The following CMSS1 variants were observed in gnomAD, a reference collection of about 807,000 sequenced individuals.
CMSS1 encodes protein CMSS1.
In CMSS1, 33 loss-of-function variants were observed where a neutral mutation model predicts 43.5. The observed-to-expected ratio is 0.76, with a 90% CI of 0.57 to 1.01. CMSS1 has a LOEUF of 1.01. Among genes scored for constraint, CMSS1 ranks in the 50% least tolerant of loss-of-function variants. CMSS1 has a pLI of 0.00. For synonymous variants in CMSS1, 115 were observed against 117.2 expected, an observed-to-expected ratio of 0.98 and a Z score of 0.12; for missense variants, 313 against 326.4, an observed-to-expected ratio of 0.96 and a Z score of 0.32.
intron 1 of CMSS1, among the ~76,000 whole-genome samples, chr3:99,820,701 A>G (rs1229647961): frequency 3.9e-5 from 6 of 152,198 alleles, no homozygotes; most frequent in East Asian, 1.9e-4. Flanking sequence ...TCTTTTGTTG[A>G]TGGGATCTAG....
At chr3:99,921,997 A>G (rs1707138937) in intron 1 of CMSS1, among the ~76,000 whole-genome samples, 1 of 152,268 alleles carries the variant, frequency 6.6e-6, no homozygotes, top group Middle Eastern at 3.4e-3. Context: ...CTTCCTCCAG[A>G]AGATAGTAGA....
intron 1 of CMSS1, among the ~76,000 whole-genome samples, chr3:100,044,757 A>G (rs188353356): frequency 6.6e-6 from 1 of 152,160 alleles, no homozygotes; most frequent in East Asian, 1.9e-4. Flanking sequence ...CACACAGTAG[A>G]TGAGAGAAGG....
At chr3:99,957,693 C>CTTTCTTTTTTTTTTTTT (rs1708364770) in intron 1 of CMSS1, among the ~76,000 whole-genome samples, 1 of 19,904 alleles carries the variant, frequency 5.0e-5, no homozygotes, top group African/African-American at 1.7e-4. Flanking sequence ...TTCTTTCTTT[C>CTTTCTTTTTTTTTTTTT]TTTTTTTTTT....
chr3:99,878,863 T>C (rs954150247), intron 1 of CMSS1, among the ~76,000 whole-genome samples: 3 of 152,250 alleles, frequency 2.0e-5, no homozygotes, highest in Non-Finnish European at 4.4e-5. Flanking sequence ...AGTAGACTTT[T>C]ATTTCCTTCC....
At chr3:99,854,026 G>C (rs1943836455) in intron 1 of CMSS1, among the ~76,000 whole-genome samples, 1 of 152,210 alleles carries the variant, frequency 6.6e-6, no homozygotes, top group Non-Finnish European at 1.5e-5. Flanking sequence ...GGGAAAGACA[G>C]CTGGTTATGC....
intron 6 of CMSS1, 63 bp downstream of exon 6, chr3:100,167,903 A>G (rs777706049): frequency 6.3e-6 from 7 of 1,115,510 alleles, no homozygotes; most frequent in Non-Finnish European, 9.3e-6. Context: ...ATGCCAAGCT[A>G]TTATGTTCTA....
At chr3:99,929,842 A>T (rs1300425143) in intron 1 of CMSS1, 1 of 1,602,116 alleles carries the variant, frequency 6.2e-7, no homozygotes. Flanking sequence ...ACACACCCCT[A>T]TTGTGGTACA....
intron 1 of CMSS1, among the ~76,000 whole-genome samples, chr3:99,845,618 C>T (rs1943329715): frequency 6.6e-6 from 1 of 152,136 alleles, no homozygotes; most frequent in East Asian, 1.9e-4. Context: ...ATCTCTTTCT[C>T]TCTCTCCTCT....
At chr3:100,018,192 G>A (rs1710400578) in intron 1 of CMSS1, among the ~76,000 whole-genome samples, 1 of 152,160 alleles carries the variant, frequency 6.6e-6, no homozygotes, top group African/African-American at 2.4e-5. Flanking sequence ...CGGGCGTGGT[G>A]GCATGTCCCT....
rs114312362 is a variant in CMSS1 at position 100,045,414 on chromosome 3, A to C, written c.65-101559A>C. Among the ~76,000 whole-genome samples, 664 of 152,328 alleles carry C rather than the reference A, an allele frequency of 4.4e-3. 7 individuals carry two copies. The highest frequency in any genetic ancestry group is 0.013 in the African/African-American group (556 of 41,562). ...AAGAGTGAATAAAGGAATGAACATA[A>C]ATCTGTGAAAATATGTGTATAAAAT... On this transcript the variant is annotated intron_variant, in intron 1 of 9. Transcript: ENST00000421999.
intron 1 of CMSS1, among the ~76,000 whole-genome samples, chr3:99,852,323 T>C (rs989876788): frequency 6.6e-6 from 1 of 152,256 alleles, no homozygotes; most frequent in Non-Finnish European, 1.5e-5. Context: ...AGAGAATTCA[T>C]AAAACTTTAA....
intron 1 of CMSS1, among the ~76,000 whole-genome samples, chr3:100,071,319 T>A (rs936810069): frequency 2.0e-5 from 3 of 152,086 alleles, no homozygotes; most frequent in African/African-American, 7.2e-5. Context: ...AAGAAGACAG[T>A]AAGGGACAGG....
intron 1 of CMSS1, among the ~76,000 whole-genome samples, chr3:100,025,233 C>T (rs565884701): frequency 3.0e-4 from 46 of 152,258 alleles, no homozygotes; most frequent in African/African-American, 1.0e-3. Context: ...CTACACAGCC[C>T]CATACTGTTT....
intron 1 of CMSS1, chr3:99,875,976 A>C (rs1249442007): frequency 1.2e-6 from 1 of 835,958 alleles, no homozygotes; most frequent in East Asian, 1.2e-4. Context: ...GCAGTTTGTG[A>C]TGCTGAGACA....
At chr3:99,935,973 T>C (rs76468167) in intron 1 of CMSS1, among the ~76,000 whole-genome samples, 1,756 of 152,318 alleles carry the variant, frequency 0.012, 18 homozygotes, top group African/African-American at 0.026. Flanking sequence ...CAGCAGCCCC[T>C]CAGCCAATTA....
At chr3:100,077,728 G>A (rs1427396189) in intron 1 of CMSS1, among the ~76,000 whole-genome samples, 4 of 152,114 alleles carry the variant, frequency 2.6e-5, no homozygotes, top group African/African-American at 9.7e-5. Context: ...TGGGCAACAT[G>A]GCAAGACCCT....
intron 1 of CMSS1, among the ~76,000 whole-genome samples, chr3:100,010,519 C>T (rs565076752): frequency 7.9e-5 from 12 of 152,202 alleles, no homozygotes; most frequent in Admixed American, 6.5e-4. Flanking sequence ...AGAGCAGTGA[C>T]TTCCAGTTGT....
intron 1 of CMSS1, among the ~76,000 whole-genome samples, chr3:99,876,853 C>A (rs1705551366): frequency 6.6e-6 from 1 of 152,072 alleles, no homozygotes; most frequent in Non-Finnish European, 1.5e-5. Context: ...TTAAAACTAT[C>A]ATTTTTTGGC....
chr3:100,055,969 T>A (rs2107330372), intron 1 of CMSS1, among the ~76,000 whole-genome samples: 1 of 152,246 alleles, frequency 6.6e-6, no homozygotes, highest in East Asian at 1.9e-4. Flanking sequence ...GTGTATGGAG[T>A]CCAAGCTTAA....
Sources: gnomAD v4.1 joint callset for allele counts (sites outside exome capture counted in the v4.1 genomes callset) on GRCh38, gnomAD v4.1.1 for gene constraint, MANE v1.5 for transcripts, NCBI Gene and HGNC (gene_info 2026-07-23, HGNC 2026-07-21) for gene names.